ENOX1: variants seen among roughly 807,000 people sequenced by gnomAD.
ENOX1 encodes ecto-NOX disulfide-thiol exchanger 1.
In ENOX1, 42 loss-of-function variants were observed where a neutral mutation model predicts 82.5. The ratio of observed to expected loss-of-function variants is 0.51; its 90% CI spans 0.40 to 0.66. The LOEUF (loss-of-function observed/expected upper bound fraction) is 0.66, where lower values mean the gene tolerates loss of function less well. Among genes scored for constraint, ENOX1 ranks in the 30% least tolerant of loss-of-function variants. The probability of loss-of-function intolerance (pLI) is 0.00; values close to 1 mark genes in which losing one functional copy is unlikely to be tolerated. For synonymous variants in ENOX1, 271 were observed against 282.2 expected (o/e 0.96, Z 0.40); for missense variants, 608 against 811.6 (o/e 0.75, Z 3.05).
intron 3 of ENOX1, among the ~76,000 whole-genome samples, chr13:43,468,339 A>G (rs1433573391): frequency 6.6e-6 from 1 of 151,494 alleles, no homozygotes; most frequent in Non-Finnish European, 1.5e-5. Context: ...ATGCCACCAC[A>G]CCCAGCTAAT....
rs1485317519 is a variant in ENOX1, at chr13:43,218,366, C to G, written c.1801-4245G>C. Among the ~76,000 whole-genome samples the G allele has an allele frequency of 3.9e-5, 6 of 152,332 alleles. No individual in the cohort carries two copies. The East Asian group carries it at 1.2e-3, about 29-fold the overall frequency. On this transcript the variant is annotated intron_variant, in intron 16 of 16. Transcript: ENST00000690772. ...CAGCAGCTGGGCATGGTGGCTCACA[C>G]TTATAATCCCAGCACTTTGGGAGGC...
chr13:43,456,128 T>C (rs2057217159), intron 3 of ENOX1, among the ~76,000 whole-genome samples: 1 of 152,148 alleles, frequency 6.6e-6, no homozygotes, highest in South Asian at 2.1e-4. Context: ...CTTTTTATTT[T>C]ATAGATATAA....
chr13:43,421,560 C>G (rs2054976903), intron 3 of ENOX1, among the ~76,000 whole-genome samples: 1 of 152,164 alleles, frequency 6.6e-6, no homozygotes, highest in Non-Finnish European at 1.5e-5. Context: ...TCACATCACA[C>G]TACATTGCAC....
At chr13:43,555,022 CAA>C (rs1200558434) in intron 2 of ENOX1, among the ~76,000 whole-genome samples, 1 of 152,136 alleles carries the variant, frequency 6.6e-6, no homozygotes, top group African/African-American at 2.4e-5. Context: ...TTAAAAATAA[CAA>C]AGTGATTCTT....
At chr13:43,322,352 C>A in intron 11 of ENOX1, 32 bp downstream of exon 11, 2 of 1,535,548 alleles carry the variant, frequency 1.3e-6, no homozygotes, top group Non-Finnish European at 1.8e-6. Flanking sequence ...CATTATGATA[C>A]CTCATGGGTC....
intron 15 of ENOX1, among the ~76,000 whole-genome samples, chr13:43,227,656 G>A (rs866928457): frequency 2.6e-5 from 4 of 152,182 alleles, no homozygotes; most frequent in African/African-American, 7.2e-5. Context: ...ATAACTAAGG[G>A]GAAAATCAGA....
At chr13:43,390,749 GC>G (rs1437350697) in intron 5 of ENOX1, among the ~76,000 whole-genome samples, 4 of 151,946 alleles carry the variant, frequency 2.6e-5, no homozygotes, top group Non-Finnish European at 5.9e-5. Flanking sequence ...CAATCTATCT[GC>G]CTGACTTCTA....
chr13:43,663,033 C>G (rs887632268), intron 2 of ENOX1, among the ~76,000 whole-genome samples: 3 of 152,078 alleles, frequency 2.0e-5, no homozygotes, highest in Non-Finnish European at 4.4e-5. Flanking sequence ...GTAACCAATT[C>G]TGTGTGAAAA....
intron 3 of ENOX1, among the ~76,000 whole-genome samples, chr13:43,470,644 T>G (rs1365665265): frequency 6.6e-6 from 1 of 151,486 alleles, no homozygotes; most frequent in Non-Finnish European, 1.5e-5. Flanking sequence ...ATATGGCTCA[T>G]ACATATAAAG....
intron 3 of ENOX1, among the ~76,000 whole-genome samples, chr13:43,452,904 G>A (rs1034768783): frequency 6.6e-6 from 1 of 152,084 alleles, no homozygotes; most frequent in African/African-American, 2.4e-5. Flanking sequence ...ATTGCCACAG[G>A]TGGATGTTTT....
chr13:43,598,390 C>T (rs2081560648), intron 2 of ENOX1, among the ~76,000 whole-genome samples: 1 of 152,118 alleles, frequency 6.6e-6, no homozygotes, highest in Non-Finnish European at 1.5e-5. Flanking sequence ...AATGAGTGAA[C>T]ATTTCTCCTA....
At chr13:43,673,144 G>A (rs1388158094) in intron 1 of ENOX1, among the ~76,000 whole-genome samples, 1 of 150,226 alleles carries the variant, frequency 6.7e-6, no homozygotes, top group African/African-American at 2.5e-5. Context: ...TTAAAAACCT[G>A]CTTCCTTCCA....
intron 3 of ENOX1, among the ~76,000 whole-genome samples, chr13:43,431,837 C>T (rs924990596): frequency 6.6e-6 from 1 of 152,074 alleles, no homozygotes; most frequent in Non-Finnish European, 1.5e-5. Context: ...AGAGAGCAAA[C>T]GCCTCACCTG....
intron 1 of ENOX1, among the ~76,000 whole-genome samples, chr13:43,697,515 A>G (rs1281622424): frequency 1.3e-5 from 2 of 152,196 alleles, no homozygotes; most frequent in Non-Finnish European, 2.9e-5. Flanking sequence ...GCCAGAGCTG[A>G]TAACTAGGAA....
intron 3 of ENOX1, among the ~76,000 whole-genome samples, chr13:43,414,974 G>A (rs894385224): frequency 4.6e-5 from 7 of 152,150 alleles, no homozygotes; most frequent in African/African-American, 1.7e-4. Context: ...CTGCTCCAAT[G>A]GCAGTTCTCA....
chr13:43,609,150 T>C (rs1397773274), intron 2 of ENOX1, among the ~76,000 whole-genome samples: 1 of 152,198 alleles, frequency 6.6e-6, no homozygotes, highest in Non-Finnish European at 1.5e-5. Flanking sequence ...CTGTGTCTTT[T>C]TACGATCAGG....
chr13:43,330,555 T>G (rs1350146547), intron 9 of ENOX1, among the ~76,000 whole-genome samples: 1 of 152,236 alleles, frequency 6.6e-6, no homozygotes, highest in Non-Finnish European at 1.5e-5. Context: ...CCCCTCACAC[T>G]TTGCAAATCT....
chr13:43,715,816 A>T (rs1308171038), intron 1 of ENOX1, among the ~76,000 whole-genome samples: 1 of 152,134 alleles, frequency 6.6e-6, no homozygotes, highest in Non-Finnish European at 1.5e-5. Context: ...TTTCAGCTCC[A>T]TCAGCTCCTT....
At chr13:43,276,460 G>C (rs1431830029) in intron 12 of ENOX1, among the ~76,000 whole-genome samples, 2 of 152,066 alleles carry the variant, frequency 1.3e-5, no homozygotes, top group Non-Finnish European at 2.9e-5. Context: ...CTCTTGGTGG[G>C]ATCCTGTTAC....
Sources: allele counts gnomAD v4.1 joint callset (sites outside exome capture counted in the v4.1 genomes callset), GRCh38; gene constraint gnomAD v4.1.1; transcripts MANE v1.5; gene names NCBI Gene and HGNC (gene_info 2026-07-23, HGNC 2026-07-21).